The following GAD1 variants were observed in gnomAD, a reference collection of about 807,000 sequenced individuals.
The protein encoded by GAD1 is 67 kDa glutamic acid decarboxylase.
GAD1 carries 35 observed loss-of-function variants against 75.2 expected under a neutral mutation model. The ratio of observed to expected loss-of-function variants is 0.47; its 90% confidence interval spans 0.36 to 0.62. GAD1 has a LOEUF of 0.62. Ranked by LOEUF, GAD1 falls within the 20% of genes least tolerant of loss-of-function variation. The probability of loss-of-function intolerance (pLI) is 0.00; values close to 1 mark genes in which losing one functional copy is unlikely to be tolerated. For missense variants in GAD1, 490 were observed against 758.5 expected, an observed-to-expected ratio of 0.65 and a Z score of 4.16; for synonymous variants, 257 against 271.9, an observed-to-expected ratio of 0.95 and a Z score of 0.54.
At chr2:170,819,441 T>G (rs1701805772) in intron 2 of GAD1, among the ~76,000 whole-genome samples, 1 of 151,928 alleles carries the variant, frequency 6.6e-6, no homozygotes, top group Non-Finnish European at 1.5e-5. Context: ...GGAGGTGACA[T>G]GTCCCGAAAA....
At chr2:170,854,464 G>A (rs925981263) in intron 14 of GAD1, among the ~76,000 whole-genome samples, 1 of 147,152 alleles carries the variant, frequency 6.8e-6, no homozygotes, top group Non-Finnish European at 1.5e-5. Context: ...GCAGTGGCGC[G>A]ATCTCGGCTC....
At chr2:170,841,073 A>G (rs764182164) in intron 6 of GAD1, among the ~76,000 whole-genome samples, 2 of 152,120 alleles carry the variant, frequency 1.3e-5, no homozygotes, top group Non-Finnish European at 2.9e-5. Flanking sequence ...CCACCATCCT[A>G]CTGTTTTAAA....
chr2:170,830,206 A>G (rs1036480394), intron 4 of GAD1, among the ~76,000 whole-genome samples: 6 of 152,224 alleles, frequency 3.9e-5, no homozygotes, highest in Non-Finnish European at 1.5e-5. Context: ...AGACCAGAGT[A>G]TTAAACAATA....
intron 1 of GAD1, chr2:170,817,845 G>A (rs2105747963): frequency 6.5e-6 from 1 of 152,796 alleles, no homozygotes; most frequent in East Asian, 1.9e-4. Flanking sequence ...GCTGGGATAA[G>A]AGGGAGGCAA....
chr2:170,831,692 AT>A (rs1702232367), intron 5 of GAD1, among the ~76,000 whole-genome samples: 1 of 141,936 alleles, frequency 7.0e-6, no homozygotes, highest in Non-Finnish European at 1.5e-5. Context: ...TAATAAATAA[AT>A]AATAATTATA....
intron 3 of GAD1, among the ~76,000 whole-genome samples, chr2:170,824,875 ACTTATCT>A: frequency 6.6e-6 from 1 of 151,928 alleles, no homozygotes; most frequent in East Asian, 1.9e-4. Context: ...GGCTTCCATC[ACTTATCT>A]CTTGCTGCCA....
chr2:170,848,224 G>A (rs557285334), intron 11 of GAD1, among the ~76,000 whole-genome samples: 16 of 152,322 alleles, frequency 1.1e-4, no homozygotes, highest in East Asian at 5.8e-4. Flanking sequence ...CTGGCTGGGC[G>A]CGGTGGCTCA....
intron 12 of GAD1, among the ~76,000 whole-genome samples, chr2:170,850,189 T>C (rs1702718877): frequency 6.6e-6 from 1 of 152,222 alleles, no homozygotes; most frequent in Admixed American, 6.5e-5. Flanking sequence ...ATATGAAAGG[T>C]GTTATCAACT....
chr2:170,832,687 CACACACACAT>C (rs1375401542), intron 5 of GAD1, among the ~76,000 whole-genome samples: 18 of 151,866 alleles, frequency 1.2e-4, no homozygotes, highest in Non-Finnish European at 2.9e-5. Context: ...CACACACACA[CACACACACAT>C]ACACACATGC....
At position 170,845,610 on chromosome 2, in the gene GAD1, A is replaced by G; in HGVS notation, c.856A>G (p.Thr286Ala). 6.2e-7 allele frequency: 1 copy of G among 1,614,072 alleles called. No individual in the cohort carries two copies. The highest frequency in any genetic ancestry group is 8.5e-7 in the Non-Finnish European group (1 of 1,179,964). ...GGCTGTGCCTAAACTGGTCCTCTTC[A>G]CCTCAGAACAGGTGAGTCGGGGATG... ...MAAVPKLVLFTSEQSHYSIKK... is the reference protein window; with the variant it reads ...MAAVPKLVLFASEQSHYSIKK... The change falls in exon 8 of 17, where the codon ACC (threonine) becomes GCC (alanine). Residue 286 changes from threonine to alanine, a missense_variant. Transcript: ENST00000358196.
At chr2:170,820,252 A>T (rs910930284) in intron 2 of GAD1, among the ~76,000 whole-genome samples, 1 of 152,076 alleles carries the variant, frequency 6.6e-6, no homozygotes, top group South Asian at 2.1e-4. Flanking sequence ...GGTGGCCGCC[A>T]GTCGCCGGCG....
intron 12 of GAD1, among the ~76,000 whole-genome samples, chr2:170,850,494 G>C (rs532591972): frequency 2.0e-5 from 3 of 152,228 alleles, no homozygotes; most frequent in Non-Finnish European, 4.4e-5. Context: ...GAGGATCAAA[G>C]AGGCCATTGG....
At chr2:170,858,515 C>A (rs1459369951) in intron 15 of GAD1, among the ~76,000 whole-genome samples, 1 of 152,150 alleles carries the variant, frequency 6.6e-6, no homozygotes, top group African/African-American at 2.4e-5. Flanking sequence ...CAGACGGATA[C>A]CTTTTTTAAA....
intron 5 of GAD1, among the ~76,000 whole-genome samples, chr2:170,831,841 G>A (rs1002479632): frequency 2.7e-5 from 4 of 147,578 alleles, no homozygotes; most frequent in African/African-American, 5.0e-5. Flanking sequence ...AAAATGAGCT[G>A]GGCATGGTGG....
chr2:170,849,202 G>A, intron 11 of GAD1, 84 bp from the exon 12 acceptor site: 5 of 1,187,440 alleles, frequency 4.2e-6, no homozygotes, highest in Non-Finnish European at 6.3e-6. Context: ...TCTTGCTCAT[G>A]TTTTAGTAGA....
At chr2:170,821,228 G>A (rs1051828351) in intron 2 of GAD1, among the ~76,000 whole-genome samples, 2 of 152,320 alleles carry the variant, frequency 1.3e-5, no homozygotes, top group Non-Finnish European at 2.9e-5. Flanking sequence ...GGCTTAGTGG[G>A]GATGGGGCTG....
At chr2:170,836,726 G>A (rs1702386475) in intron 5 of GAD1, 67 bp from the exon 6 acceptor site, 1 of 1,079,936 alleles carries the variant, frequency 9.3e-7, no homozygotes, top group Non-Finnish European at 1.4e-6. Flanking sequence ...AGTGGGGCAG[G>A]CCGTTTGCCT....
intron 3 of GAD1, among the ~76,000 whole-genome samples, chr2:170,826,567 CAAAA>C (rs34462898): frequency 9.0e-6 from 1 of 110,882 alleles, no homozygotes. Context: ...GACTCCGTCT[CAAAA>C]AAAAAAAAAA....
intron 5 of GAD1, among the ~76,000 whole-genome samples, chr2:170,832,282 G>GGT (rs1255161192): frequency 2.0e-5 from 3 of 152,150 alleles, no homozygotes; most frequent in Non-Finnish European, 2.9e-5. Flanking sequence ...CTCTTGGAGA[G>GGT]GATCCACCCT....
Sources: gnomAD v4.1 joint callset for allele counts (sites outside exome capture counted in the v4.1 genomes callset) on GRCh38, gnomAD v4.1.1 for gene constraint, MANE v1.5 for transcripts, NCBI Gene and HGNC (gene_info 2026-07-23, HGNC 2026-07-21) for gene names.